The following NBPF9 variants were observed in gnomAD, a reference collection of about 807,000 sequenced individuals.
NBPF9 encodes NBPF member 9.
Under a neutral mutation model 97.8 loss-of-function variants are expected in NBPF9, and 91 were observed. That is an observed-to-expected ratio of 0.93 (90% CI 0.79 to 1.11). The LOEUF (loss-of-function observed/expected upper bound fraction) is 1.11. Ranked by LOEUF, NBPF9 falls within the 50% of genes least tolerant of loss-of-function variation. The pLI is 0.00. For synonymous variants in NBPF9, 334 were observed against 359.5 expected (o/e 0.93, Z 0.80); for missense variants, 992 against 939.5 (o/e 1.06, Z -0.73).
exon 30 of NBPF9, chr1:149,054,558 A>C (rs1196216229): frequency 3.5e-5 from 5 of 144,098 alleles, no homozygotes; most frequent in African/African-American, 1.3e-4. Context: ...TTGTCTCTGC[A>C]GTGTTCCCGG....
chr1:149,090,553 A>C, intron 5 of NBPF9, 200 bp downstream of exon 5: 1 of 517,862 alleles, frequency 1.9e-6, no homozygotes, highest in Non-Finnish European at 3.4e-6. Context: ...AGCCTAATGC[A>C]ATAAAGAATG....
At chr1:149,069,781 G>A (rs1242201446) in intron 16 of NBPF9, 136 bp from the exon 17 acceptor site, 1 of 639,514 alleles carries the variant, frequency 1.6e-6, no homozygotes, top group Non-Finnish European at 2.8e-6. Flanking sequence ...ATATTCTAGG[G>A]TGTCCTAGAT....
At chr1:149,099,617 A>T (rs1482813777) in intron 3 of NBPF9, among the ~76,000 whole-genome samples, 2 of 152,236 alleles carry the variant, frequency 1.3e-5, no homozygotes, top group Admixed American at 6.5e-5. Context: ...AACAACAATG[A>T]ATACTATATT....
intron 4 of NBPF9, among the ~76,000 whole-genome samples, chr1:149,093,056 T>C (rs1217362500): frequency 1.3e-5 from 2 of 151,928 alleles, no homozygotes; most frequent in African/African-American, 4.8e-5. Flanking sequence ...TTAGTATTTA[T>C]TGATCATTAT....
intron 26 of NBPF9, 47 bp downstream of exon 26, chr1:149,058,878 C>T (rs1402936837): frequency 1.8e-5 from 12 of 658,122 alleles, no homozygotes; most frequent in Non-Finnish European, 3.1e-5. Flanking sequence ...TCACCCCTAT[C>T]TGGAAGACCA....
In NBPF9 at chr1:149,071,507, G is replaced by A. The variant is rs587716630; in HGVS notation, c.1379+97C>T. The A allele has an allele frequency of 6.2e-5, 71 of 1,144,814 alleles. 1 individual carries two copies. The African/African-American group carries it at 6.7e-4, about 11-fold the overall frequency. The allele number at this position is 1,144,814 out of a possible 1,614,324, so 70.9% of individuals were successfully genotyped here. On this transcript the variant is annotated intron_variant, in intron 15 of 29. Coordinates refer to ENST00000584027, the Ensembl canonical transcript of NBPF9. ...TCACATACTGTGGCCAAGCGAATGCGGGTTTTTGGCCCATCATAGATGCCA... is the reference window on the plus strand; with the variant it reads ...TCACATACTGTGGCCAAGCGAATGCAGGTTTTTGGCCCATCATAGATGCCA...
Position 149,061,321 on chromosome 1 carries a change from T to C in NBPF9, c.2303+11A>G. 1 of 413,424 alleles carries C rather than the reference T, an allele frequency of 2.4e-6. No homozygotes were observed. The highest frequency in any genetic ancestry group is 4.4e-6 in the Non-Finnish European group (1 of 227,226). 25.6% of individuals were successfully genotyped at this position (413,424 alleles called of 1,614,324 possible). ...CAACACAGAAGTAGCTGTTCACAATTGCTCAGTTACCTGGGGCATGGTGGG... is the reference window on the plus strand; with the variant it reads ...CAACACAGAAGTAGCTGTTCACAATCGCTCAGTTACCTGGGGCATGGTGGG... On this transcript the variant is annotated intron_variant, in intron 23 of 29. Transcript: ENST00000584027.
chr1:149,072,795 G>T, exon 14 of NBPF9: 2 of 1,579,214 alleles, frequency 1.3e-6, no homozygotes, highest in Non-Finnish European at 1.7e-6. Flanking sequence ...CTGCCCCTGG[G>T]ACTTGTCCGG....
intron 18 of NBPF9, chr1:149,064,779 G>C (rs1232635732): frequency 6.7e-6 from 4 of 597,468 alleles, no homozygotes; most frequent in Non-Finnish European, 8.9e-6. Flanking sequence ...TAGGCAAATA[G>C]TTCTAACACC....
chr1:149,070,541 G>A (rs1439002869), intron 16 of NBPF9, among the ~76,000 whole-genome samples: 7 of 150,390 alleles, frequency 4.7e-5, no homozygotes, highest in African/African-American at 1.7e-4. Context: ...TGAAGCCTGG[G>A]GAACGATATT....
chr1:149,086,073 AAAT>A (rs759721728), intron 5 of NBPF9, among the ~76,000 whole-genome samples: 42 of 151,990 alleles, frequency 2.8e-4, no homozygotes, highest in Non-Finnish European at 5.1e-4. Flanking sequence ...AATGTCTTGT[AAAT>A]ACTGAGTAGT....
chr1:149,064,719 T>C, intron 18 of NBPF9: 1 of 617,576 alleles, frequency 1.6e-6, no homozygotes, highest in Middle Eastern at 4.4e-4. Flanking sequence ...CTATGTGCTC[T>C]GTCCTAGGTT....
chr1:149,072,524 C>A (rs1575838521), intron 14 of NBPF9, among the ~76,000 whole-genome samples, 194 bp downstream of exon 14: 1 of 152,156 alleles, frequency 6.6e-6, no homozygotes, highest in Non-Finnish European at 1.5e-5. Flanking sequence ...AGGAGGGACA[C>A]TTGCAATAAT....
At chr1:149,103,382 C>T (rs1553663787) in exon 1 of NBPF9, 1 of 151,490 alleles carries the variant, frequency 6.6e-6, no homozygotes, top group East Asian at 1.9e-4. Context: ...TCGGCCCGCT[C>T]CTGGCGCCAC....
intron 28 of NBPF9, 111 bp from the exon 29 acceptor site, chr1:149,056,731 G>A: frequency 9.4e-5 from 1 of 10,598 alleles, no homozygotes; most frequent in Non-Finnish European, 1.8e-4. Flanking sequence ...CATAAGAATA[G>A]GACACTGTGA....
intron 5 of NBPF9, among the ~76,000 whole-genome samples, chr1:149,087,873 C>G (rs1352202749): frequency 3.0e-5 from 4 of 132,246 alleles, no homozygotes; most frequent in African/African-American, 8.9e-5. Flanking sequence ...TGCTCTGTTA[C>G]CCAGGCTGGA....
rs2078791663 is a variant in NBPF9, at chr1:149,063,615, T to A, written c.2026+18A>T. On this transcript the variant is annotated intron_variant, in intron 20 of 29. Coordinates refer to ENST00000584027, the Ensembl canonical transcript of NBPF9. ...AAGACTCAGTGGATCCTTATCACCT[T>A]CATAGAAAGGTACTCACCATCCATG... is the stretch of plus-strand genomic sequence containing the variant. The A allele has an allele frequency of 1.6e-6, 1 of 607,188 alleles. No individual in the cohort carries two copies. 37.6% of individuals were successfully genotyped at this position (607,188 alleles called of 1,614,324 possible). A position where few individuals can be genotyped will look rare whatever the true frequency, so the allele number is the denominator to read the frequency against.
At chr1:149,102,790 T>C (rs2082231906) in exon 2 of NBPF9, 1 of 152,114 alleles carries the variant, frequency 6.6e-6, no homozygotes, top group Admixed American at 6.5e-5. Context: ...CAGTGACGGC[T>C]ACAAACGCTC....
chr1:149,083,034 C>G (rs1394940622), intron 5 of NBPF9, among the ~76,000 whole-genome samples: 3 of 133,416 alleles, frequency 2.2e-5, no homozygotes, highest in Non-Finnish European at 4.6e-5. Flanking sequence ...TGGTCTCGAT[C>G]TCCTGACCTC....
Sources: allele counts gnomAD v4.1 joint callset (sites outside exome capture counted in the v4.1 genomes callset), GRCh38; gene constraint gnomAD v4.1.1; transcripts MANE v1.5; gene names NCBI Gene and HGNC (gene_info 2026-07-23, HGNC 2026-07-21).